NEXMIF: variants seen among roughly 807,000 people sequenced by gnomAD.
NEXMIF encodes neurite extension and migration factor, also known as XLMR protein related to neurite extension.
Under a neutral mutation model 62.1 loss-of-function variants are expected in NEXMIF, and 8 were observed. The observed-to-expected ratio is 0.13, with a 90% CI of 0.08 to 0.23. The LOEUF (loss-of-function observed/expected upper bound fraction) is 0.23, where lower values mean the gene tolerates loss of function less well. Ranked by LOEUF, NEXMIF falls within the 10% of genes least tolerant of loss-of-function variation. NEXMIF has a pLI of 1.00. For missense variants in NEXMIF, 976 were observed against 1,113.3 expected (o/e 0.88, Z 1.75); for synonymous variants, 404 against 416.6 (o/e 0.97, Z 0.37).
At chrX:74,794,897 A>T (rs1397210232) in intron 1 of NEXMIF, among the ~76,000 whole-genome samples, 2 of 111,527 alleles carry the variant, frequency 1.8e-5, no homozygotes, top group Admixed American at 9.5e-5. Flanking sequence ...AGTGAGATGA[A>T]CCTGGTACCT....
intron 1 of NEXMIF, among the ~76,000 whole-genome samples, chrX:74,910,774 A>G (rs1303680867): frequency 9.0e-6 from 1 of 111,191 alleles, no homozygotes; most frequent in African/African-American, 3.3e-5. Context: ...AGTTTCCCCC[A>G]TACTGTTGTG....
At position 74,743,187 on chromosome X, in the gene NEXMIF, T is replaced by A; in HGVS notation, c.1370A>T (p.Lys457Met). 8.3e-7 allele frequency: 1 copy of A among 1,210,850 alleles called. No individual in the cohort carries two copies. The highest frequency in any genetic ancestry group is 1.1e-6 in the Non-Finnish European group (1 of 894,860). ...EISYDAMGEI[K>M]DCSRYMARDT... Reference sequence around the variant, plus strand: ...CCGAGCCATATAGCGACTACAGTCCTTGATCTCACCCATAGCATCATATGA... The same window carrying A: ...CCGAGCCATATAGCGACTACAGTCCATGATCTCACCCATAGCATCATATGA... Residue 457 changes from lysine to methionine, a missense_variant, in exon 3 of 4, where the codon AAG (lysine) becomes ATG (methionine). By Grantham distance (95) the Lys-to-Met change is moderately conservative. This residue lies in a region of NEXMIF where 639 missense variants were observed against 694.5 expected (regional missense o/e 0.92). Coordinates refer to ENST00000055682, the MANE Select transcript of NEXMIF (RefSeq NM_001008537.3).
intron 1 of NEXMIF, among the ~76,000 whole-genome samples, chrX:74,844,540 C>G (rs1037149817): frequency 9.0e-6 from 1 of 111,289 alleles, no homozygotes; most frequent in Non-Finnish European, 1.9e-5. Context: ...TAAACCTCCT[C>G]AACTCCCCTG....
At chrX:74,901,703 T>C (rs2080750135) in intron 1 of NEXMIF, among the ~76,000 whole-genome samples, 1 of 111,686 alleles carries the variant, frequency 9.0e-6, no homozygotes, top group African/African-American at 3.3e-5. Context: ...TCCTCCATTG[T>C]TACTCCTACC....
chrX:74,840,794 G>T (rs779845276), intron 1 of NEXMIF, among the ~76,000 whole-genome samples: 1 of 111,037 alleles, frequency 9.0e-6, no homozygotes, highest in East Asian at 2.8e-4. Flanking sequence ...ATGGTTGTAG[G>T]TGAAAGGCCT....
intron 1 of NEXMIF, among the ~76,000 whole-genome samples, chrX:74,775,923 C>A (rs1319924572): frequency 8.9e-6 from 1 of 111,879 alleles, no homozygotes; most frequent in African/African-American, 3.3e-5. Context: ...TTAATTGCAG[C>A]AAGTGATTTA....
intron 1 of NEXMIF, among the ~76,000 whole-genome samples, chrX:74,844,753 A>T (rs2080486210): frequency 8.9e-6 from 1 of 112,589 alleles, no homozygotes; most frequent in African/African-American, 3.2e-5. Flanking sequence ...GGTAATGCTA[A>T]TAATTGTGAT....
chrX:74,861,572 CAA>C (rs1281127896), intron 1 of NEXMIF, among the ~76,000 whole-genome samples: 1 of 110,877 alleles, frequency 9.0e-6, no homozygotes, highest in African/African-American at 3.3e-5. Flanking sequence ...AAAATGAAAA[CAA>C]ATGTTAAGGG....
At chrX:74,878,776 C>G (rs979399172) in intron 1 of NEXMIF, among the ~76,000 whole-genome samples, 4 of 112,440 alleles carry the variant, frequency 3.6e-5, no homozygotes, top group African/African-American at 1.3e-4. Flanking sequence ...TCACCCCTTT[C>G]TTTGACTAGG....
intron 1 of NEXMIF, among the ~76,000 whole-genome samples, chrX:74,787,156 G>A (rs919724448): frequency 9.3e-6 from 1 of 107,095 alleles, no homozygotes; most frequent in African/African-American, 3.4e-5. Flanking sequence ...GGTGGTGGGT[G>A]CCTGTAGTCC....
chrX:74,763,320 G>A lies in NEXMIF; in HGVS notation c.-47-17623C>T, dbSNP rs769562611. 3.2e-3 allele frequency among the ~76,000 whole-genome samples: 354 copies of A among 111,559 alleles called. 2 individuals are homozygous for A. Among genetic ancestry groups the A allele is most frequent in the African/African-American group, 0.011 (337 of 30,688 alleles). On this transcript the variant is annotated intron_variant, in intron 1 of 3. Coordinates refer to ENST00000055682, the MANE Select transcript of NEXMIF (RefSeq NM_001008537.3). The stretch of plus-strand genomic sequence containing the variant: ...CTGAGGCCTCTGTTCTGTTCCATTG[G>A]TCTATATCTCTGTTTTGGTACCAGT...
chrX:74,753,719 A>G (rs1302774546), intron 1 of NEXMIF, among the ~76,000 whole-genome samples: 1 of 105,376 alleles, frequency 9.5e-6, no homozygotes, highest in African/African-American at 3.4e-5. Flanking sequence ...ACACACGCAC[A>G]CACACACACA....
chrX:74,756,608 T>C lies in NEXMIF; in HGVS notation c.-47-10911A>G, dbSNP rs935137948. On this transcript the variant is annotated intron_variant, in intron 1 of 3. Transcript: ENST00000055682. Reference sequence around the variant, plus strand: ...GGGGTTGGGCCTAAGAATAAGTATGTTGCCATTCTAGTTAGAATTCTGTAA... The same window carrying C: ...GGGGTTGGGCCTAAGAATAAGTATGCTGCCATTCTAGTTAGAATTCTGTAA... Among the ~76,000 whole-genome samples, 6 of 111,596 alleles carry C rather than the reference T, an allele frequency of 5.4e-5. No individual in the cohort carries two copies. In the East Asian group the frequency reaches 1.7e-3, roughly 31 times the overall value.
chrX:74,922,875 A>C (rs756409012), intron 1 of NEXMIF, among the ~76,000 whole-genome samples: 1 of 112,044 alleles, frequency 8.9e-6, no homozygotes, highest in East Asian at 2.8e-4. Flanking sequence ...GTATGAGTTT[A>C]TGTCTGGGGG....
intron 1 of NEXMIF, among the ~76,000 whole-genome samples, chrX:74,874,374 C>T (rs1450908671): frequency 9.9e-5 from 10 of 101,270 alleles, no homozygotes; most frequent in African/African-American, 2.5e-4. Context: ...GTACCAGTAC[C>T]ATGCTGTTTT....
intron 1 of NEXMIF, among the ~76,000 whole-genome samples, chrX:74,830,878 T>C (rs1229730025): frequency 8.9e-6 from 1 of 112,190 alleles, no homozygotes; most frequent in Non-Finnish European, 1.9e-5. Context: ...ATAGAAATGC[T>C]ACTGATTTTT....
chrX:74,843,529 C>A (rs1272060998), intron 1 of NEXMIF, among the ~76,000 whole-genome samples: 1 of 110,501 alleles, frequency 9.0e-6, no homozygotes, highest in Non-Finnish European at 1.9e-5. Flanking sequence ...ATCCTCCTGC[C>A]TCAGCCTCCC....
intron 1 of NEXMIF, among the ~76,000 whole-genome samples, chrX:74,869,606 A>C (rs1341617043): frequency 8.9e-6 from 1 of 112,317 alleles, no homozygotes; most frequent in Admixed American, 9.5e-5. Flanking sequence ...TAGAGCTGAA[A>C]AACAAATTCA....
chrX:74,902,288 A>G (rs1192198936), intron 1 of NEXMIF, among the ~76,000 whole-genome samples: 1 of 109,437 alleles, frequency 9.1e-6, no homozygotes, highest in Non-Finnish European at 1.9e-5. Context: ...AATTATAGCA[A>G]CCAAGCAGAA....
Sources: gnomAD v4.1 joint callset for allele counts (sites outside exome capture counted in the v4.1 genomes callset) on GRCh38, gnomAD v4.1.1 for gene constraint, gnomAD v4.1.1 regional missense constraint, MANE v1.5 for transcripts, NCBI Gene and HGNC (gene_info 2026-07-23, HGNC 2026-07-21) for gene names.